The following SLC1A3 variants were observed in gnomAD, a reference collection of about 807,000 sequenced individuals.
SLC1A3 encodes excitatory amino acid transporter 1.
A neutral mutation model predicts 48.1 loss-of-function variants in SLC1A3; 21 were observed. The observed-to-expected ratio is 0.44, with a 90% CI of 0.31 to 0.63. The LOEUF (loss-of-function observed/expected upper bound fraction) is 0.63. Ranked by LOEUF, SLC1A3 falls within the 20% of genes least tolerant of loss-of-function variation. The pLI is 0.08. For synonymous variants in SLC1A3, 239 were observed against 251.4 expected (o/e 0.95, Z 0.47); for missense variants, 546 against 689.0 (o/e 0.79, Z 2.32).
intron 8 of SLC1A3, among the ~76,000 whole-genome samples, chr5:36,681,185 A>G (rs1237694397): frequency 6.6e-6 from 1 of 152,196 alleles, no homozygotes; most frequent in Non-Finnish European, 1.5e-5. Flanking sequence ...GTTTGGAAAG[A>G]CTTTTCCTAT....
chr5:36,597,233 C>CTTTTTTTT (rs70976237), intron 1 of SLC1A3, among the ~76,000 whole-genome samples: 1,540 of 46,158 alleles, frequency 0.033, 410 homozygotes, highest in Middle Eastern at 0.083. Context: ...TTCTTCCTTT[C>CTTTTTTTT]TTTTTTTTTT....
At chr5:36,650,322 A>T (rs761511817) in intron 3 of SLC1A3, among the ~76,000 whole-genome samples, 7 of 152,220 alleles carry the variant, frequency 4.6e-5, no homozygotes, top group Admixed American at 6.5e-5. Flanking sequence ...TATAATCATA[A>T]TACCCATTAT....
At chr5:36,609,102 C>T (rs1184933904) in intron 2 of SLC1A3, 3 of 985,848 alleles carry the variant, frequency 3.0e-6, no homozygotes, top group African/African-American at 3.5e-5. Flanking sequence ...TGTGTTTGCA[C>T]TCTCTCACCC....
chr5:36,618,340 C>A (rs984151999), intron 2 of SLC1A3, among the ~76,000 whole-genome samples: 2 of 152,174 alleles, frequency 1.3e-5, no homozygotes, highest in Non-Finnish European at 2.9e-5. Context: ...CCCCTACCAC[C>A]AATTTAGCAG....
chr5:36,660,423 C>G (rs1298533023), intron 3 of SLC1A3, among the ~76,000 whole-genome samples: 1 of 151,998 alleles, frequency 6.6e-6, no homozygotes, highest in Non-Finnish European at 1.5e-5. Flanking sequence ...GTAAGTATTA[C>G]AAAACTAAAG....
At chr5:36,676,766 T>G (rs1742225074) in intron 5 of SLC1A3, 126 bp from the exon 6 acceptor site, 2 of 727,536 alleles carry the variant, frequency 2.7e-6, no homozygotes, top group Admixed American at 2.8e-5. Flanking sequence ...AGACTTTCTA[T>G]AACACTCATC....
chr5:36,646,798 G>A (rs1472677534), intron 3 of SLC1A3, among the ~76,000 whole-genome samples: 2 of 152,114 alleles, frequency 1.3e-5, no homozygotes, highest in African/African-American at 4.8e-5. Context: ...CCTAAGCCTT[G>A]GAAAATTCTC....
At chr5:36,645,683 T>C (rs1740814017) in intron 3 of SLC1A3, among the ~76,000 whole-genome samples, 1 of 152,176 alleles carries the variant, frequency 6.6e-6, no homozygotes, top group Admixed American at 6.5e-5. Flanking sequence ...TGGAAAGGCT[T>C]TGTAAGCCAA....
In SLC1A3 at chr5:36,679,803, G is replaced by A; in HGVS notation, c.1037G>A (p.Trp346Ter). ...LYFLVTRKNP[W>*]VFIGGLLQAL... ...TTCTTGGTAACACGGAAAAACCCTT[G>A]GGTTTTTATTGGAGGGTTGCTGCAA... Residue 346 changes from tryptophan (W) to a stop codon, truncating the protein, a stop_gained, in exon 7 of 10, where the codon TGG (tryptophan) becomes TAG (stop). Transcript: ENST00000265113. LOFTEE classifies it high-confidence loss of function. The A allele has an allele frequency of 6.2e-7, 1 of 1,614,116 alleles. No individual in the cohort carries two copies. Among genetic ancestry groups the A allele is most frequent in the Non-Finnish European group, 8.5e-7 (1 of 1,180,032 alleles).
intron 1 of SLC1A3, among the ~76,000 whole-genome samples, chr5:36,597,233 C>CTTTT (rs70976237): frequency 0.036 from 1,652 of 46,112 alleles, 467 homozygotes; most frequent in Middle Eastern, 0.056. Flanking sequence ...TTCTTCCTTT[C>CTTTT]TTTTTTTTTT....
chr5:36,677,009 G>C lies in SLC1A3; in HGVS notation c.685G>C (p.Glu229Gln). 6.2e-7 allele frequency: 1 copy of C among 1,614,120 alleles called. No individual in the cohort carries two copies. Among genetic ancestry groups the C allele is most frequent in the Non-Finnish European group, 8.5e-7 (1 of 1,179,984 alleles). ...CATGGAGACTCTTACCCGAATCACA[G>C]AGGAGCTGGTCCCAGTTCCAGGATC... ...EAMETLTRIT[E>Q]ELVPVPGSVN... The change falls in exon 6 of 10, where the codon GAG becomes CAG. Residue 229 changes from glutamate (E) to glutamine (Q), a missense_variant. By Grantham distance (29) the Glu-to-Gln change is conservative. Coordinates refer to ENST00000265113, the MANE Select transcript of SLC1A3 (RefSeq NM_004172.5).
At chr5:36,617,549 C>T (rs924501738) in intron 2 of SLC1A3, among the ~76,000 whole-genome samples, 3 of 151,018 alleles carry the variant, frequency 2.0e-5, no homozygotes, top group Admixed American at 6.6e-5. Flanking sequence ...CCAAGGTTCC[C>T]GTTTATCTTG....
intron 1 of SLC1A3, among the ~76,000 whole-genome samples, chr5:36,607,639 A>G (rs1294827669): frequency 6.6e-6 from 1 of 152,218 alleles, no homozygotes; most frequent in Non-Finnish European, 1.5e-5. Flanking sequence ...GTGATAAACG[A>G]AGCTGAATTG....
chr5:36,636,446 TTTTCTTTCTTTCTTTCTTTTCTTTC>T (rs1740359276), intron 3 of SLC1A3: 2 of 146,474 alleles, frequency 1.4e-5, no homozygotes, highest in South Asian at 4.4e-4. Context: ...GGTCTTTTCT[TTTTCTTTCTTTCTTTCTTTTCTTTC>T]TTTCTTTCTT....
At chr5:36,654,134 G>A (rs1183548249) in intron 3 of SLC1A3, among the ~76,000 whole-genome samples, 4 of 152,162 alleles carry the variant, frequency 2.6e-5, no homozygotes, top group South Asian at 2.1e-4. Flanking sequence ...GAGCCACCAC[G>A]CCCAGCCTAA....
At chr5:36,673,967 A>C (rs1230529406) in intron 4 of SLC1A3, 82 bp from the exon 5 acceptor site, 5 of 1,091,992 alleles carry the variant, frequency 4.6e-6, no homozygotes, top group Non-Finnish European at 7.1e-6. Flanking sequence ...TGCAATCTTT[A>C]CCTTACACAC....
intron 8 of SLC1A3, among the ~76,000 whole-genome samples, chr5:36,680,901 G>A (rs1214294457): frequency 7.2e-6 from 1 of 138,880 alleles, no homozygotes; most frequent in Non-Finnish European, 1.5e-5. Flanking sequence ...GGGGGACACA[G>A]CAAGACTCCA....
At chr5:36,621,797 T>C (rs1260570238) in intron 2 of SLC1A3, among the ~76,000 whole-genome samples, 1 of 152,214 alleles carries the variant, frequency 6.6e-6, no homozygotes, top group Admixed American at 6.5e-5. Context: ...GACCTCTGCA[T>C]GTTAGATTGA....
chr5:36,645,103 T>G (rs1465119324), intron 3 of SLC1A3, among the ~76,000 whole-genome samples: 2 of 152,142 alleles, frequency 1.3e-5, no homozygotes, highest in Admixed American at 6.5e-5. Flanking sequence ...AGTATTGAAT[T>G]TTACATTCAT....
Sources: allele counts gnomAD v4.1 joint callset (sites outside exome capture counted in the v4.1 genomes callset), GRCh38; gene constraint gnomAD v4.1.1; transcripts MANE v1.5; gene names NCBI Gene and HGNC (gene_info 2026-07-23, HGNC 2026-07-21).